SEZ6L: variants seen among roughly 807,000 people sequenced by gnomAD.
The protein encoded by SEZ6L is seizure 6-like protein.
SEZ6L carries 37 observed loss-of-function variants against 106.2 expected under a neutral mutation model. That is an observed-to-expected ratio of 0.35 (90% CI 0.27 to 0.46). The LOEUF is 0.46. Among genes scored for constraint, SEZ6L ranks in the 20% least tolerant of loss-of-function variants. The probability of loss-of-function intolerance (pLI) is 1.00; values close to 1 mark genes in which losing one functional copy is unlikely to be tolerated. For synonymous variants in SEZ6L, 541 were observed against 570.4 expected, an observed-to-expected ratio of 0.95 and a Z score of 0.73; for missense variants, 1,172 against 1,332.8, an observed-to-expected ratio of 0.88 and a Z score of 1.88.
chr22:26,308,103 T>C (rs1332379985), intron 6 of SEZ6L, among the ~76,000 whole-genome samples: 1 of 152,214 alleles, frequency 6.6e-6, no homozygotes, highest in African/African-American at 2.4e-5. Flanking sequence ...AAATCAATTA[T>C]GTCTGTCCCA....
At chr22:26,314,093 C>CAGAGAG (rs1162478991) in intron 9 of SEZ6L, among the ~76,000 whole-genome samples, 191 bp downstream of exon 9, 125 of 138,380 alleles carry the variant, frequency 9.0e-4, no homozygotes, top group African/African-American at 3.4e-3. Context: ...CACACACACA[C>CAGAGAG]ACAGAGAGAG....
intron 9 of SEZ6L, among the ~76,000 whole-genome samples, chr22:26,316,751 G>T (rs557570111): frequency 6.6e-6 from 1 of 151,898 alleles, no homozygotes; most frequent in Admixed American, 6.6e-5. Context: ...AGAATCACCT[G>T]AACCCGGGAG....
chr22:26,180,830 G>T (rs766377674), intron 1 of SEZ6L, among the ~76,000 whole-genome samples: 2 of 152,190 alleles, frequency 1.3e-5, no homozygotes, highest in Non-Finnish European at 2.9e-5. Context: ...ACAGAATGTG[G>T]CTCCATGCAT....
intron 1 of SEZ6L, among the ~76,000 whole-genome samples, chr22:26,271,628 C>A (rs1164690359): frequency 6.6e-6 from 1 of 152,132 alleles, no homozygotes; most frequent in Admixed American, 6.5e-5. Flanking sequence ...TCTGGGACCT[C>A]CCCCTTCTCT....
chr22:26,310,761 G>A lies in SEZ6L; in HGVS notation c.1606G>A (p.Glu536Lys), dbSNP rs765777882. Residue 536 changes from glutamate (E) to lysine (K), a missense_variant, in exon 7 of 17, where the codon GAA becomes AAA. Physicochemically the swap from Glu to Lys is moderately conservative, Grantham distance 56. Coordinates refer to ENST00000248933, the MANE Select transcript of SEZ6L (RefSeq NM_021115.5). The stretch of plus-strand genomic sequence containing the variant: ...TGTCCCTTTTGAGGGCCTGCTGAGC[G>A]AAGGCAACACCATCCGCATCGAGTT... Reference protein sequence around the residue: ...ESVPFEGLLSEGNTIRIEFTS... With the variant: ...ESVPFEGLLSKGNTIRIEFTS... The A allele has an allele frequency of 2.0e-5, 33 of 1,614,096 alleles. No homozygotes were observed. Among genetic ancestry groups the A allele is most frequent in the Non-Finnish European group, 2.6e-5 (31 of 1,180,024 alleles).
chr22:26,372,467 T>C (rs1164294484), intron 13 of SEZ6L, among the ~76,000 whole-genome samples: 1 of 152,144 alleles, frequency 6.6e-6, no homozygotes, highest in Non-Finnish European at 1.5e-5. Context: ...CCAGCTAGCT[T>C]TTCAGCTGGT....
chr22:26,318,945 G>A (rs1212216398), intron 9 of SEZ6L, among the ~76,000 whole-genome samples: 4 of 152,066 alleles, frequency 2.6e-5, no homozygotes, highest in Admixed American at 6.5e-5. Flanking sequence ...ACAAGTTGGC[G>A]GCACAGTGGG....
intron 3 of SEZ6L, among the ~76,000 whole-genome samples, chr22:26,294,946 TCTTTCTTTCTTTCTTG>T (rs2081259111): frequency 6.6e-6 from 1 of 150,498 alleles, no homozygotes; most frequent in African/African-American, 2.5e-5. Flanking sequence ...TTTCTTTCTT[TCTTTCTTTCTTTCTTG>T]CTTGCTTGCT....
intron 1 of SEZ6L, among the ~76,000 whole-genome samples, chr22:26,214,608 G>A (rs1211302967): frequency 6.6e-6 from 1 of 152,188 alleles, no homozygotes; most frequent in Non-Finnish European, 1.5e-5. Flanking sequence ...ATTTCAGGAA[G>A]GAAGCAGCTT....
At chr22:26,274,417 C>A (rs2145845266) in intron 1 of SEZ6L, among the ~76,000 whole-genome samples, 1 of 152,204 alleles carries the variant, frequency 6.6e-6, no homozygotes, top group East Asian at 1.9e-4. Context: ...GCACTTATCA[C>A]CATTGGCCTT....
chr22:26,344,527 A>T (rs1212173033), intron 10 of SEZ6L, among the ~76,000 whole-genome samples: 1 of 152,256 alleles, frequency 6.6e-6, no homozygotes, highest in Non-Finnish European at 1.5e-5. Context: ...TCAAACAAAT[A>T]GATGGCTGTG....
chr22:26,340,525 G>T lies in SEZ6L; in HGVS notation c.2105G>T (p.Gly702Val). The T allele has an allele frequency of 6.2e-7, 1 of 1,614,076 alleles. No individual in the cohort carries two copies. The highest frequency in any genetic ancestry group is 8.5e-7 in the Non-Finnish European group (1 of 1,180,000). ...TTGGGGCAGTACCTTGGGAACAGTG[G>T]CCCCCAGAAACTGTACTCCTCCACG... ...HILGQYLGNS[G>V]PQKLYSSTPD... The change falls in exon 10 of 17, where the codon GGC becomes GTC. Residue 702 changes from glycine (G) to valine (V), a missense_variant. Physicochemically the swap from Gly to Val is moderately radical, Grantham distance 109. Around this residue, in one of 4 missense-constraint regions of SEZ6L, gnomAD observed 534 missense variants for 691.0 expected, o/e 0.77. Coordinates refer to ENST00000248933, the MANE Select transcript of SEZ6L (RefSeq NM_021115.5).
chr22:26,181,094 G>A (rs1939359881), intron 1 of SEZ6L, among the ~76,000 whole-genome samples: 1 of 152,156 alleles, frequency 6.6e-6, no homozygotes, highest in South Asian at 2.1e-4. Context: ...CTCTCTGCAG[G>A]GTGGATAGAG....
chr22:26,361,520 A>ATAT (rs1017520990), intron 12 of SEZ6L, among the ~76,000 whole-genome samples: 25 of 124,262 alleles, frequency 2.0e-4, no homozygotes, highest in Non-Finnish European at 3.4e-4. Flanking sequence ...AAAAAAAAAA[A>ATAT]ATATATATAT....
chr22:26,196,740 A>G (rs938277131), intron 1 of SEZ6L, among the ~76,000 whole-genome samples: 5 of 152,318 alleles, frequency 3.3e-5, no homozygotes, highest in East Asian at 1.9e-4. Flanking sequence ...AGTGGACCCT[A>G]TGGGTACAGG....
intron 1 of SEZ6L, among the ~76,000 whole-genome samples, chr22:26,290,083 T>C (rs1488098735): frequency 2.6e-5 from 4 of 152,040 alleles, no homozygotes; most frequent in Non-Finnish European, 4.4e-5. Context: ...CCCCAGGAAA[T>C]AGGAAATAAT....
chr22:26,219,272 G>GTTTTA (rs2078391270), intron 1 of SEZ6L, among the ~76,000 whole-genome samples: 1 of 92,360 alleles, frequency 1.1e-5, no homozygotes. Context: ...TTTTTTTTTC[G>GTTTTA]CTCCTGGCAA....
intron 1 of SEZ6L, among the ~76,000 whole-genome samples, chr22:26,181,654 A>G (rs1939403340): frequency 6.6e-6 from 1 of 152,182 alleles, no homozygotes; most frequent in African/African-American, 2.4e-5. Context: ...GATTTCCTCA[A>G]CTGTGAAATG....
intron 1 of SEZ6L, among the ~76,000 whole-genome samples, chr22:26,208,530 T>C (rs1569379989): frequency 6.6e-6 from 1 of 152,230 alleles, no homozygotes. Context: ...CTGGCTTCCA[T>C]AATTTATGAT....
Sources: allele counts gnomAD v4.1 joint callset (sites outside exome capture counted in the v4.1 genomes callset), GRCh38; gene constraint gnomAD v4.1.1; regional missense constraint gnomAD v4.1.1; transcripts MANE v1.5; gene names NCBI Gene and HGNC (gene_info 2026-07-23, HGNC 2026-07-21).